CDH13: variants seen among roughly 807,000 people sequenced by gnomAD.
CDH13 encodes cadherin-13.
In CDH13, 24 loss-of-function variants were observed where a neutral mutation model predicts 63.8. That is an observed-to-expected ratio of 0.38 (90% CI 0.27 to 0.53). The LOEUF (loss-of-function observed/expected upper bound fraction) is 0.53, where lower values mean the gene tolerates loss of function less well. Among genes scored for constraint, CDH13 ranks in the 20% least tolerant of loss-of-function variants. The pLI, the probability that CDH13 is intolerant of heterozygous loss-of-function variation, is 0.85. For synonymous variants in CDH13, 503 were observed against 355.3 expected, an observed-to-expected ratio of 1.42 and a Z score of -4.67; for missense variants, 1,049 against 903.1, an observed-to-expected ratio of 1.16 and a Z score of -2.07.
intron 6 of CDH13, among the ~76,000 whole-genome samples, chr16:83,399,482 G>A (rs138059375): frequency 6.6e-5 from 10 of 152,276 alleles, no homozygotes; most frequent in African/African-American, 1.9e-4. Flanking sequence ...TTTCTCAAAT[G>A]TGACCACTAT....
chr16:82,894,510 C>T (rs534936512), intron 2 of CDH13, among the ~76,000 whole-genome samples: 3 of 152,162 alleles, frequency 2.0e-5, no homozygotes, highest in South Asian at 2.1e-4. Flanking sequence ...GGCATGGTGG[C>T]GTGCACCTGT....
chr16:82,820,456 G>A (rs890650311), intron 1 of CDH13, among the ~76,000 whole-genome samples: 6 of 152,176 alleles, frequency 3.9e-5, no homozygotes, highest in Non-Finnish European at 8.8e-5. Flanking sequence ...CTGAGGCACA[G>A]AGAATTTAAG....
rs4572385 is a variant in CDH13, at chr16:83,217,605, G to A, written c.636+108G>A. The A allele has an allele frequency of 0.67, 741,028 of 1,105,348 alleles. 252,983 individuals carry two copies. Among genetic ancestry groups the A allele is most frequent in the East Asian group, 0.96 (39,187 of 41,018 alleles). The allele number at this position is 1,105,348 out of a possible 1,614,324, so 68.5% of individuals were successfully genotyped here. A position where few individuals can be genotyped will look rare whatever the true frequency, so the allele number is the denominator to read the frequency against. ...TCTGTGCCTCATCAAACCCGGGACT[G>A]CATGGCTTTAGGGTGTTTCTGTGGG... On this transcript the variant is annotated intron_variant, in intron 5 of 13. Transcript: ENST00000567109.
At chr16:83,478,786 C>A (rs2073679028) in intron 6 of CDH13, among the ~76,000 whole-genome samples, 1 of 147,850 alleles carries the variant, frequency 6.8e-6, no homozygotes, top group South Asian at 2.1e-4. Flanking sequence ...ACACCCAGAA[C>A]TGAGAACCAA....
intron 7 of CDH13, among the ~76,000 whole-genome samples, chr16:83,561,176 G>A (rs1465185215): frequency 6.6e-6 from 1 of 152,064 alleles, no homozygotes; most frequent in South Asian, 2.1e-4. Flanking sequence ...GCCGGGCGCA[G>A]TGGCTCACAC....
intron 2 of CDH13, among the ~76,000 whole-genome samples, chr16:82,989,852 C>G (rs1911435868): frequency 1.3e-5 from 2 of 152,148 alleles, no homozygotes; most frequent in South Asian, 2.1e-4. Flanking sequence ...TGAAGCTGCC[C>G]TTGTTAAAAT....
intron 1 of CDH13, among the ~76,000 whole-genome samples, chr16:82,681,492 T>C (rs2150961227): frequency 6.6e-6 from 1 of 152,334 alleles, no homozygotes. Flanking sequence ...TTATGTTTGT[T>C]TTCTGACAAT....
At chr16:82,892,469 A>T (rs1459354442) in intron 2 of CDH13, among the ~76,000 whole-genome samples, 1 of 152,220 alleles carries the variant, frequency 6.6e-6, no homozygotes, top group Non-Finnish European at 1.5e-5. Flanking sequence ...GTCTGCCCTG[A>T]AAACAGTTCT....
At chr16:83,649,799 G>T (rs1387872861) in intron 8 of CDH13, among the ~76,000 whole-genome samples, 4 of 152,176 alleles carry the variant, frequency 2.6e-5, no homozygotes, top group African/African-American at 9.7e-5. Flanking sequence ...AGAGGCAGGG[G>T]TCTAGAGCCC....
intron 10 of CDH13, among the ~76,000 whole-genome samples, chr16:83,746,954 C>T (rs1489774854): frequency 6.6e-6 from 1 of 152,204 alleles, no homozygotes; most frequent in African/African-American, 2.4e-5. Context: ...AAAGTCAAAA[C>T]CCCTTAAAAC....
chr16:83,776,272 T>G (rs987051194), intron 11 of CDH13, among the ~76,000 whole-genome samples: 2 of 152,210 alleles, frequency 1.3e-5, no homozygotes, highest in African/African-American at 2.4e-5. Context: ...CATAATATAT[T>G]CAGAGTGAAA....
chr16:83,781,322 G>C (rs1426521599), intron 12 of CDH13, among the ~76,000 whole-genome samples: 3 of 151,852 alleles, frequency 2.0e-5, no homozygotes, highest in Non-Finnish European at 2.9e-5. Context: ...TAAAGTAAAA[G>C]AAAAAAGAAA....
chr16:83,458,846 T>A (rs889532461), intron 6 of CDH13, among the ~76,000 whole-genome samples: 1 of 152,234 alleles, frequency 6.6e-6, no homozygotes. Flanking sequence ...CCAAGTCTGA[T>A]GAGATTTCAG....
chr16:83,369,337 C>T (rs2091319648), intron 6 of CDH13, among the ~76,000 whole-genome samples: 1 of 152,068 alleles, frequency 6.6e-6, no homozygotes, highest in Admixed American at 6.5e-5. Flanking sequence ...CACCATCTCT[C>T]ATCATTCTTG....
rs16958049 is a variant in CDH13 at position 82,666,671 on chromosome 16, C to T, written c.45+39534C>T. Among the ~76,000 whole-genome samples, 220 of 152,270 alleles carry T rather than the reference C, an allele frequency of 1.4e-3. 1 individual carries two copies. Among genetic ancestry groups the T allele is most frequent in the Middle Eastern group, 3.4e-3 (1 of 294 alleles). ...TACAACAACCATGGTAACTGAGGCACGAAGAACATCTTTCTTATTTGTGGT... is the reference window on the plus strand; with the variant it reads ...TACAACAACCATGGTAACTGAGGCATGAAGAACATCTTTCTTATTTGTGGT... On this transcript the variant is annotated intron_variant, in intron 1 of 13. Transcript: ENST00000567109.
Position 83,602,513 on chromosome 16 carries a change from T to C in CDH13, c.1020T>C (p.Asp340=), listed in dbSNP as rs760377573. The C allele has an allele frequency of 1.2e-6, 2 of 1,613,946 alleles. No individual in the cohort carries two copies. The highest frequency in any genetic ancestry group is 1.7e-6 in the Non-Finnish European group (2 of 1,179,832). ...IIEAQDMAGL[D]VGLTGTATAT... ...AGGCTCAAGATATGGCTGGACTGGATGTTGGATTAACAGGCACGGCCACAG... is the reference window on the plus strand; with the variant it reads ...AGGCTCAAGATATGGCTGGACTGGACGTTGGATTAACAGGCACGGCCACAG... The change falls in exon 8 of 14, where the codon GAT becomes GAC. Residue 340 remains aspartate, a synonymous_variant. Coordinates refer to ENST00000567109, the MANE Select transcript of CDH13 (RefSeq NM_001257.5).
intron 2 of CDH13, among the ~76,000 whole-genome samples, chr16:82,966,228 A>G (rs555642365): frequency 1.3e-4 from 20 of 152,220 alleles, no homozygotes; most frequent in African/African-American, 4.6e-4. Flanking sequence ...GGCCCATGGC[A>G]ACCTCCGCCT....
rs554931623 is a variant in CDH13, at chr16:82,762,996, C to T, written c.46-95366C>T. ...GATTGCAAGTACAAAACAGGACATT[C>T]GTGGTGCTACTGTGTGAAAAAATAA... On this transcript the variant is annotated intron_variant, in intron 1 of 13. Transcript: ENST00000567109. Among the ~76,000 whole-genome samples the T allele has an allele frequency of 1.9e-3, 291 of 152,224 alleles. 1 individual carries two copies. Among genetic ancestry groups the T allele is most frequent in the Middle Eastern group, 3.4e-3 (1 of 294 alleles).
chr16:83,166,423 T>C (rs2037673111), intron 4 of CDH13, among the ~76,000 whole-genome samples: 1 of 152,022 alleles, frequency 6.6e-6, no homozygotes, highest in African/African-American at 2.4e-5. Flanking sequence ...TCAGCACATC[T>C]CCAAAGCCAT....
Sources: allele counts gnomAD v4.1 joint callset (sites outside exome capture counted in the v4.1 genomes callset), GRCh38; gene constraint gnomAD v4.1.1; transcripts MANE v1.5; gene names NCBI Gene and HGNC (gene_info 2026-07-23, HGNC 2026-07-21).